RASA3: variants seen among roughly 807,000 people sequenced by gnomAD.
RASA3 encodes RAS p21 protein activator 3.
RASA3 carries 73 observed loss-of-function variants against 110.0 expected under a neutral mutation model. The observed-to-expected ratio is 0.66, with a 90% confidence interval of 0.55 to 0.81. RASA3 has a LOEUF of 0.81. Ranked by LOEUF, RASA3 falls within the 30% of genes least tolerant of loss-of-function variation. The pLI is 0.00. For missense variants in RASA3, 976 were observed against 1,113.2 expected (o/e 0.88, Z 1.75); for synonymous variants, 500 against 451.4 (o/e 1.11, Z -1.37).
intron 18 of RASA3, among the ~76,000 whole-genome samples, chr13:114,002,930 C>T (rs566529824): frequency 6.6e-6 from 1 of 152,350 alleles, no homozygotes; most frequent in East Asian, 1.9e-4. Flanking sequence ...AGGCCCCGTC[C>T]CCAGTCCTGT....
chr13:114,035,320 C>T (rs978753188), intron 4 of RASA3, among the ~76,000 whole-genome samples: 3 of 152,224 alleles, frequency 2.0e-5, no homozygotes, highest in Admixed American at 1.3e-4. Context: ...CCTGCCTGGA[C>T]GCTGCACTGA....
chr13:113,995,319 T>C (rs1049142245), intron 21 of RASA3, among the ~76,000 whole-genome samples: 1 of 152,356 alleles, frequency 6.6e-6, no homozygotes, highest in South Asian at 2.1e-4. Flanking sequence ...TGGCCACGCA[T>C]GCCTGAGCAG....
chr13:114,011,935 G>C lies in RASA3; in HGVS notation c.1513-687C>G, dbSNP rs999323684. On this transcript the variant is annotated intron_variant, in intron 15 of 23. Coordinates refer to ENST00000334062, the MANE Select transcript of RASA3 (RefSeq NM_007368.4). This position sits in a 1 kb window ranked among gnomAD's most constrained non-coding sequence, Gnocchi z 4.8. ...GACTCTGTCTCAAAAAAAAAGAAGT[G>C]CTGGGGAATGGGCAATCCCTCACGT... 6.6e-6 allele frequency among the ~76,000 whole-genome samples: 1 copy of C among 151,884 alleles called. No homozygotes were observed. Among genetic ancestry groups the C allele is most frequent in the African/African-American group, 2.4e-5 (1 of 41,324 alleles).
rs1384390295 is a variant in RASA3, at chr13:114,115,065, C to T, written c.55+17370G>A. Among the ~76,000 whole-genome samples, 13 of 152,172 alleles carry T rather than the reference C, an allele frequency of 8.5e-5. No individual in the cohort carries two copies. Among genetic ancestry groups the T allele is most frequent in the African/African-American group, 3.1e-4 (13 of 41,518 alleles). On this transcript the variant is annotated intron_variant, in intron 1 of 23. Coordinates refer to ENST00000334062, the MANE Select transcript of RASA3 (RefSeq NM_007368.4). This position sits in a 1 kb window ranked among gnomAD's most constrained non-coding sequence, Gnocchi z 5.0. Reference sequence around the variant, plus strand: ...GCTGCAGGTTCCCCAGCCCCACCCCCAGCTGTGAGATGCTGCAGGTCCCGG... The same window carrying T: ...GCTGCAGGTTCCCCAGCCCCACCCCTAGCTGTGAGATGCTGCAGGTCCCGG...
Position 114,057,245 on chromosome 13 carries a change from G to A in RASA3, c.174-5090C>T, listed in dbSNP as rs904675455. On this transcript the variant is annotated intron_variant, in intron 2 of 23. Coordinates refer to ENST00000334062, the MANE Select transcript of RASA3 (RefSeq NM_007368.4). This position sits in a 1 kb window ranked among gnomAD's most constrained non-coding sequence, Gnocchi z 5.0. ...AGTTATTACTAACTTTGTTTCCTGC[G>A]GGTCACCTCAAGTCTTTCAGGAAAC... 1.1e-5 allele frequency: 11 copies of A among 984,918 alleles called. No individual in the cohort carries two copies. The highest frequency in any genetic ancestry group is 9.4e-5 in the South Asian group (2 of 21,274). The allele number at this position is 984,918 out of a possible 1,614,324, so 61.0% of individuals were successfully genotyped here. A position where few individuals can be genotyped will look rare whatever the true frequency, so the allele number is the denominator to read the frequency against.
At chr13:114,097,747 T>C (rs2079964582) in intron 1 of RASA3, among the ~76,000 whole-genome samples, 1 of 152,138 alleles carries the variant, frequency 6.6e-6, no homozygotes, top group Non-Finnish European at 1.5e-5. Flanking sequence ...AGACGGGAGC[T>C]GATGTGCAGG....
intron 4 of RASA3, among the ~76,000 whole-genome samples, chr13:114,030,891 CTG>C (rs1168809505): frequency 2.7e-5 from 4 of 149,806 alleles, no homozygotes; most frequent in African/African-American, 7.4e-5. Context: ...GTGCGTGCAA[CTG>C]TGTGTGTCTA....
Position 114,117,761 on chromosome 13 carries a change from T to TGTGTGAGGGATGCAC in RASA3, c.55+14673_55+14674insGTGCATCCCTCACAC, listed in dbSNP as rs1289810075. Among the ~76,000 whole-genome samples, 51 of 119,086 alleles carry TGTGTGAGGGATGCAC rather than the reference T, an allele frequency of 4.3e-4. 1 individual carries two copies. Among genetic ancestry groups the TGTGTGAGGGATGCAC allele is most frequent in the Non-Finnish European group, 6.9e-4 (41 of 59,034 alleles). The allele number at this position is 119,086 out of a possible 152,430, so 78.1% of individuals were successfully genotyped here. On this transcript the variant is annotated intron_variant, in intron 1 of 23. Transcript: ENST00000334062. ...AGAGCACGTGTGTGAGGGATGCACG[T>TGTGTGAGGGATGCAC]GTGTGAGAGCACGTGTGTGAGGAGA...
At chr13:114,093,769 T>G (rs538273684) in intron 1 of RASA3, among the ~76,000 whole-genome samples, 16 of 132,274 alleles carry the variant, frequency 1.2e-4, no homozygotes, top group East Asian at 8.3e-4. Flanking sequence ...TTCTTCTCTG[T>G]GTATTTTCAA....
rs559401575 is a variant in RASA3, at chr13:114,031,339, CTG to C, written c.373-1454_373-1453del. On this transcript the variant is annotated intron_variant, in intron 4 of 23. Transcript: ENST00000334062. Reference sequence around the variant, plus strand: ...TGCATCTGCCTGTCTGTGTGTTTGGCTGTGTGTGTCCTTCTGTGTGTGTGTGC... The same window carrying C: ...TGCATCTGCCTGTCTGTGTGTTTGGCTGTGTGTCCTTCTGTGTGTGTGTGC... Among the ~76,000 whole-genome samples, 136 of 150,978 alleles carry C rather than the reference CTG, an allele frequency of 9.0e-4. 1 individual carries two copies. Among genetic ancestry groups the C allele is most frequent in the African/African-American group, 3.2e-3 (130 of 41,002 alleles).
rs2080268336 is a variant in RASA3 at position 114,115,829 on chromosome 13, T to C, written c.55+16606A>G. 2.6e-5 allele frequency among the ~76,000 whole-genome samples: 4 copies of C among 152,204 alleles called. No individual in the cohort carries two copies. ...ACGACGTTGCTACAGATGTATGTGT[T>C]TGTGTGAAGCTGTATTTAAATGTGA... On this transcript the variant is annotated intron_variant, in intron 1 of 23. Coordinates refer to ENST00000334062, the MANE Select transcript of RASA3 (RefSeq NM_007368.4). This position sits in a 1 kb window ranked among gnomAD's most constrained non-coding sequence, Gnocchi z 5.0.
chr13:113,995,036 G>A (rs907780682), intron 21 of RASA3, among the ~76,000 whole-genome samples: 1 of 152,244 alleles, frequency 6.6e-6, no homozygotes, highest in African/African-American at 2.4e-5. Context: ...GTGGGTGTGC[G>A]GGATAGGGGA....
intron 1 of RASA3, 98 bp downstream of exon 1, chr13:114,132,337 C>G: frequency 7.9e-7 from 1 of 1,269,176 alleles, no homozygotes; most frequent in South Asian, 1.9e-5. Context: ...GGCGTCTCCG[C>G]CGGGGTCCCC....
chr13:114,116,409 C>G (rs908151053), intron 1 of RASA3, among the ~76,000 whole-genome samples: 2 of 152,052 alleles, frequency 1.3e-5, no homozygotes, highest in Non-Finnish European at 2.9e-5. Flanking sequence ...ATCCGAAAGA[C>G]TCCAGCGTAG....
Position 114,074,050 on chromosome 13 carries a change from C to G in RASA3, c.56-213G>C, listed in dbSNP as rs866864380. ...GCACGCCACCCTCTAATGCAAGTCC[C>G]GCAAGCAGGGACCTGCCAGCCTGGG... On this transcript the variant is annotated intron_variant, in intron 1 of 23. Transcript: ENST00000334062. 2.6e-5 allele frequency among the ~76,000 whole-genome samples: 4 copies of G among 152,352 alleles called. No individual in the cohort carries two copies. The South Asian group carries it at 8.3e-4, about 32-fold the overall frequency.
chr13:114,055,205 A>G (rs530767649), intron 2 of RASA3, among the ~76,000 whole-genome samples: 32 of 152,298 alleles, frequency 2.1e-4, no homozygotes, highest in African/African-American at 7.2e-4. Context: ...ATGTGCCCAT[A>G]CATGTGTGCT....
intron 1 of RASA3, 23 bp from the exon 2 acceptor site, chr13:114,073,860 A>C (rs2079622121): frequency 1.9e-6 from 3 of 1,564,198 alleles, no homozygotes; most frequent in Non-Finnish European, 2.6e-6. Flanking sequence ...AGCGACATAC[A>C]TCATCAGCAG....
intron 1 of RASA3, among the ~76,000 whole-genome samples, chr13:114,119,400 C>G (rs529334763): frequency 6.7e-4 from 102 of 152,258 alleles, no homozygotes; most frequent in Non-Finnish European, 1.2e-3. Context: ...GGAAGCGGTA[C>G]GGAGGTCCCG....
intron 3 of RASA3, among the ~76,000 whole-genome samples, chr13:114,045,716 AC>A (rs1431894550): frequency 4.6e-5 from 7 of 152,238 alleles, no homozygotes; most frequent in African/African-American, 1.4e-4. Context: ...GGAGACGTCG[AC>A]TGCGTTTGTA....
Sources: gnomAD v4.1 joint callset for allele counts (sites outside exome capture counted in the v4.1 genomes callset) on GRCh38, gnomAD v4.1.1 for gene constraint, Gnocchi (gnomAD v3.1) non-coding constraint, MANE v1.5 for transcripts, NCBI Gene and HGNC (gene_info 2026-07-23, HGNC 2026-07-21) for gene names.